Variants in RBFOX1 observed in about 807,000 individuals in gnomAD.
The protein encoded by RBFOX1 is RNA binding fox-1 homolog 1, also known as RNA binding protein fox-1 homolog 1.
RBFOX1 carries 8 observed loss-of-function variants against 57.7 expected under a neutral mutation model. That is an observed-to-expected ratio of 0.14 (90% CI 0.08 to 0.25). The LOEUF (loss-of-function observed/expected upper bound fraction) is 0.25, where lower values mean the gene tolerates loss of function less well. Among genes scored for constraint, RBFOX1 ranks in the 10% least tolerant of loss-of-function variants. The probability of loss-of-function intolerance (pLI) is 1.00; values close to 1 mark genes in which losing one functional copy is unlikely to be tolerated. For synonymous variants in RBFOX1, 326 were observed against 222.4 expected (o/e 1.47, Z -4.15); for missense variants, 611 against 548.5 (o/e 1.11, Z -1.14).
At chr16:5,877,766 A>G (rs1473038532) in intron 4 of RBFOX1, among the ~76,000 whole-genome samples, 1 of 152,228 alleles carries the variant, frequency 6.6e-6, no homozygotes, top group South Asian at 2.1e-4. Context: ...AAATTAAGGA[A>G]CAGATTATGG....
intron 4 of RBFOX1, among the ~76,000 whole-genome samples, chr16:7,516,319 A>T (rs2076345757): frequency 6.6e-6 from 1 of 152,022 alleles, no homozygotes; most frequent in South Asian, 2.1e-4. Flanking sequence ...CATGAACGCA[A>T]ATCCATGGGA....
chr16:6,012,767 T>G (rs1335746856), intron 4 of RBFOX1, among the ~76,000 whole-genome samples: 1 of 152,176 alleles, frequency 6.6e-6, no homozygotes, highest in African/African-American at 2.4e-5. Flanking sequence ...TCAGTATTAA[T>G]TTGTCCTCAG....
intron 2 of RBFOX1, among the ~76,000 whole-genome samples, chr16:6,555,419 G>T (rs2097080289): frequency 1.3e-5 from 2 of 152,162 alleles, no homozygotes; most frequent in Non-Finnish European, 2.9e-5. Context: ...TACCATTCCA[G>T]CTGGGCACGG....
At chr16:5,313,414 T>G (rs1200887749) in intron 1 of RBFOX1, among the ~76,000 whole-genome samples, 1 of 152,144 alleles carries the variant, frequency 6.6e-6, no homozygotes, top group African/African-American at 2.4e-5. Flanking sequence ...GGAAGTGGCT[T>G]ATGTTATTCA....
rs140985433 is a variant in RBFOX1 at position 6,662,910 on chromosome 16, C to T, written c.-16+8260C>T. On this transcript the variant is annotated intron_variant, in intron 3 of 15. Transcript: ENST00000550418. ...AGACTCGTAAAACATTTATTGAGAA[C>T]AGAAACAATTTAAAGAAAAGCACAT... Among the ~76,000 whole-genome samples, 617 of 152,208 alleles carry T rather than the reference C, an allele frequency of 4.1e-3. 4 individuals carry two copies. The highest frequency in any genetic ancestry group is 0.013 in the African/African-American group (552 of 41,518).
chr16:6,873,362 C>T (rs574314464), intron 3 of RBFOX1, among the ~76,000 whole-genome samples: 2 of 152,068 alleles, frequency 1.3e-5, no homozygotes, highest in Non-Finnish European at 2.9e-5. Context: ...CATGATTATG[C>T]TTTAATTTAG....
intron 1 of RBFOX1, among the ~76,000 whole-genome samples, chr16:5,406,213 G>A (rs1265688330): frequency 6.6e-6 from 1 of 152,144 alleles, no homozygotes; most frequent in Non-Finnish European, 1.5e-5. Context: ...TATTGTCCCT[G>A]GGGTGATGGC....
chr16:7,149,674 A>G (rs1173774854), intron 4 of RBFOX1, among the ~76,000 whole-genome samples: 1 of 150,448 alleles, frequency 6.6e-6, no homozygotes, highest in Non-Finnish European at 1.5e-5. Flanking sequence ...GGCCTCCCAA[A>G]GTGCTAGGAT....
chr16:6,912,295 G>C (rs533604361), intron 3 of RBFOX1, among the ~76,000 whole-genome samples: 49 of 152,258 alleles, frequency 3.2e-4, no homozygotes, highest in Non-Finnish European at 8.8e-5. Context: ...CTCAGCCCCA[G>C]ATTTTCTGAC....
chr16:5,828,819 A>T (rs532957825), intron 3 of RBFOX1, among the ~76,000 whole-genome samples: 1 of 152,252 alleles, frequency 6.6e-6, no homozygotes, highest in Admixed American at 6.5e-5. Flanking sequence ...CTGAAAAGAG[A>T]GTAAGGTGGC....
chr16:6,693,736 A>T (rs537082113), intron 3 of RBFOX1, among the ~76,000 whole-genome samples: 12 of 151,128 alleles, frequency 7.9e-5, no homozygotes, highest in African/African-American at 2.9e-4. Flanking sequence ...CATCATCCTC[A>T]TCCTCATCCA....
Position 6,849,157 on chromosome 16 carries a change from A to G in RBFOX1, c.-16+194507A>G, listed in dbSNP as rs116366512. Among the ~76,000 whole-genome samples, 453 of 152,268 alleles carry G rather than the reference A, an allele frequency of 3.0e-3. 1 individual carries two copies. The highest frequency in any genetic ancestry group is 0.011 in the African/African-American group (437 of 41,538). Reference sequence around the variant, plus strand: ...CCCCAGAGAGTGAAACAAAGGAACCAAGTAACTTGCTGAACACTCTTGAAT... The same window carrying G: ...CCCCAGAGAGTGAAACAAAGGAACCGAGTAACTTGCTGAACACTCTTGAAT... On this transcript the variant is annotated intron_variant, in intron 3 of 15. Coordinates refer to ENST00000550418, the MANE Select transcript of RBFOX1 (RefSeq NM_018723.4).
chr16:6,404,686 A>G (rs1404841987), intron 2 of RBFOX1, among the ~76,000 whole-genome samples: 2 of 152,034 alleles, frequency 1.3e-5, no homozygotes, highest in African/African-American at 4.8e-5. Context: ...GTACCAGGCA[A>G]ACTTGGGTGG....
In RBFOX1 at chr16:7,272,463, C is replaced by T. The variant is rs1173607769; in HGVS notation, c.27+220365C>T. ...TATCCCAAAAGGCTGGAATTACAGG[C>T]ATCAGCCACCATGCCTGGCACCCGT... On this transcript the variant is annotated intron_variant, in intron 4 of 15. Transcript: ENST00000550418. Among the ~76,000 whole-genome samples, 5 of 152,214 alleles carry T rather than the reference C, an allele frequency of 3.3e-5. 1 individual carries two copies. Among genetic ancestry groups the T allele is most frequent in the African/African-American group, 9.6e-5 (4 of 41,458 alleles).
chr16:5,661,652 G>A (rs954277550), intron 3 of RBFOX1, among the ~76,000 whole-genome samples: 1 of 152,152 alleles, frequency 6.6e-6, no homozygotes, highest in African/African-American at 2.4e-5. Context: ...TAACACGTTG[G>A]TCCTCACCCG....
intron 3 of RBFOX1, among the ~76,000 whole-genome samples, chr16:7,025,163 G>A (rs186860486): frequency 1.3e-5 from 2 of 152,184 alleles, no homozygotes; most frequent in Non-Finnish European, 2.9e-5. Context: ...GCTGCTGCCT[G>A]CCCATTTTTA....
At chr16:5,783,249 A>G (rs570003969) in intron 3 of RBFOX1, among the ~76,000 whole-genome samples, 1 of 152,204 alleles carries the variant, frequency 6.6e-6, no homozygotes, top group South Asian at 2.1e-4. Flanking sequence ...ATAGAAATGC[A>G]CCTGTGTAAC....
intron 3 of RBFOX1, among the ~76,000 whole-genome samples, chr16:6,779,194 T>C (rs2079911218): frequency 6.6e-6 from 1 of 152,066 alleles, no homozygotes; most frequent in Non-Finnish European, 1.5e-5. Context: ...TTGCATTTGG[T>C]AAACATTATT....
At chr16:6,376,867 G>C (rs2091240921) in intron 2 of RBFOX1, among the ~76,000 whole-genome samples, 1 of 152,060 alleles carries the variant, frequency 6.6e-6, no homozygotes, top group African/African-American at 2.4e-5. Context: ...TAGTCGTTAG[G>C]GATCTGGCGG....
Sources: gnomAD v4.1 joint callset for allele counts (sites outside exome capture counted in the v4.1 genomes callset) on GRCh38, gnomAD v4.1.1 for gene constraint, MANE v1.5 for transcripts, NCBI Gene and HGNC (gene_info 2026-07-23, HGNC 2026-07-21) for gene names.